CSMD1: variants seen among roughly 807,000 people sequenced by gnomAD.
CSMD1 encodes the protein CUB and Sushi multiple domains 1.
In CSMD1, 213 loss-of-function variants were observed where a neutral mutation model predicts 417.5. The observed-to-expected ratio is 0.51, with a 90% CI of 0.46 to 0.57. The LOEUF is 0.57. Ranked by LOEUF, CSMD1 falls within the 20% of genes least tolerant of loss-of-function variation. The probability of loss-of-function intolerance (pLI) is 0.00; values close to 1 mark genes in which losing one functional copy is unlikely to be tolerated. For synonymous variants in CSMD1, 2,862 were observed against 1,736.8 expected, an observed-to-expected ratio of 1.65 and a Z score of -16.11; for missense variants, 6,923 against 4,529.7, an observed-to-expected ratio of 1.53 and a Z score of -15.17.
intron 2 of CSMD1, among the ~76,000 whole-genome samples, chr8:4,459,293 T>C (rs950449556): frequency 3.9e-5 from 6 of 152,218 alleles, no homozygotes; most frequent in African/African-American, 1.2e-4. Context: ...GTGCACCAGA[T>C]GGCATATAAG....
At chr8:4,977,446 C>T (rs919387257) in intron 1 of CSMD1, among the ~76,000 whole-genome samples, 7 of 152,162 alleles carry the variant, frequency 4.6e-5, no homozygotes, top group Non-Finnish European at 8.8e-5. Context: ...TGCATGTCCA[C>T]GGACTCATGC....
At chr8:4,171,354 C>T (rs1193400141) in intron 3 of CSMD1, among the ~76,000 whole-genome samples, 3 of 151,840 alleles carry the variant, frequency 2.0e-5, no homozygotes, top group Admixed American at 2.0e-4. Flanking sequence ...AACTCCTTAC[C>T]TTCCTTGAAT....
chr8:4,132,483 G>A (rs773867652), intron 3 of CSMD1, among the ~76,000 whole-genome samples: 3 of 152,026 alleles, frequency 2.0e-5, no homozygotes, highest in East Asian at 1.9e-4. Flanking sequence ...CAGGAACATG[G>A]GTAGTATAAT....
intron 6 of CSMD1, among the ~76,000 whole-genome samples, chr8:3,722,141 G>C (rs1274475397): frequency 2.6e-5 from 4 of 152,054 alleles, no homozygotes; most frequent in Admixed American, 1.3e-4. Flanking sequence ...TCAGGAATTT[G>C]AGACTAAGAA....
At chr8:4,060,145 A>T (rs1798896218) in intron 3 of CSMD1, among the ~76,000 whole-genome samples, 1 of 152,210 alleles carries the variant, frequency 6.6e-6, no homozygotes, top group Admixed American at 6.5e-5. Flanking sequence ...CAACATATAC[A>T]AATCAATAAA....
chr8:4,252,801 C>T (rs1803171520), intron 3 of CSMD1, among the ~76,000 whole-genome samples: 1 of 152,226 alleles, frequency 6.6e-6, no homozygotes, highest in Non-Finnish European at 1.5e-5. Context: ...CTTCTGTACA[C>T]TTTCTCCATG....
At chr8:2,982,401 G>A (rs113982460) in intron 54 of CSMD1, among the ~76,000 whole-genome samples, 5 of 152,246 alleles carry the variant, frequency 3.3e-5, no homozygotes, top group African/African-American at 1.2e-4. Flanking sequence ...TAAACATAAG[G>A]TCCTATTGTT....
At chr8:3,819,450 C>T (rs1418583824) in intron 5 of CSMD1, among the ~76,000 whole-genome samples, 1 of 152,000 alleles carries the variant, frequency 6.6e-6, no homozygotes, top group African/African-American at 2.4e-5. Context: ...GCTAGAAGTG[C>T]TTCCAACTTC....
chr8:3,970,514 C>T (rs960941951), intron 5 of CSMD1, among the ~76,000 whole-genome samples: 6 of 152,132 alleles, frequency 3.9e-5, no homozygotes, highest in Non-Finnish European at 8.8e-5. Flanking sequence ...GTTTTAAGGA[C>T]TCCAGGAGGA....
chr8:4,427,512 CAT>C (rs1475034117), intron 2 of CSMD1, among the ~76,000 whole-genome samples: 337 of 150,498 alleles, frequency 2.2e-3, no homozygotes, highest in African/African-American at 7.7e-3. Context: ...CACACACACA[CAT>C]GCACACTCAA....
At chr8:2,986,130 AG>A (rs548408082) in intron 54 of CSMD1, among the ~76,000 whole-genome samples, 140 of 152,310 alleles carry the variant, frequency 9.2e-4, no homozygotes, top group Admixed American at 3.7e-3. Flanking sequence ...GTGTGATAAA[AG>A]AAATACGTTA....
chr8:3,820,927 A>C (rs1801700949), intron 5 of CSMD1, among the ~76,000 whole-genome samples: 1 of 151,276 alleles, frequency 6.6e-6, no homozygotes, highest in South Asian at 2.1e-4. Context: ...CTTTTTTTTA[A>C]TTTTTTGAGC....
At chr8:3,684,277 A>T (rs1169072757) in intron 7 of CSMD1, among the ~76,000 whole-genome samples, 1 of 144,544 alleles carries the variant, frequency 6.9e-6, no homozygotes, top group East Asian at 2.0e-4. Context: ...TATATGTTAT[A>T]TATTATATAT....
chr8:3,150,244 T>C (rs897953537), intron 40 of CSMD1, among the ~76,000 whole-genome samples: 1 of 151,556 alleles, frequency 6.6e-6, no homozygotes, highest in Non-Finnish European at 1.5e-5. Context: ...TTCCACAGAG[T>C]CTCTCCCTTC....
intron 25 of CSMD1, among the ~76,000 whole-genome samples, chr8:3,285,208 T>A (rs1456235514): frequency 6.6e-6 from 1 of 152,016 alleles, no homozygotes. Context: ...TACCCACGAG[T>A]CTCAACTGCT....
At chr8:3,701,158 C>A (rs1408567084) in intron 7 of CSMD1, among the ~76,000 whole-genome samples, 2 of 152,098 alleles carry the variant, frequency 1.3e-5, no homozygotes, top group East Asian at 1.9e-4. Context: ...TAGACATCAA[C>A]GTGACTCCCA....
chr8:3,794,783 T>A (rs1282111845), intron 5 of CSMD1, among the ~76,000 whole-genome samples: 1 of 151,992 alleles, frequency 6.6e-6, no homozygotes, highest in Non-Finnish European at 1.5e-5. Context: ...ATAACACATC[T>A]CTAAAGTGAC....
chr8:4,425,019 T>C (rs1374207336), intron 2 of CSMD1, among the ~76,000 whole-genome samples: 1 of 152,024 alleles, frequency 6.6e-6, no homozygotes, highest in Non-Finnish European at 1.5e-5. Flanking sequence ...AACATTAAAT[T>C]CTAAAAGTAA....
At chr8:4,332,375 C>G (rs181402938) in intron 3 of CSMD1, among the ~76,000 whole-genome samples, 58 of 152,188 alleles carry the variant, frequency 3.8e-4, no homozygotes, top group African/African-American at 1.3e-3. Context: ...CTCAAATTAA[C>G]GATTCCTACC....
Sources: gnomAD v4.1 joint callset for allele counts (sites outside exome capture counted in the v4.1 genomes callset) on GRCh38, gnomAD v4.1.1 for gene constraint, MANE v1.5 for transcripts, NCBI Gene and HGNC (gene_info 2026-07-23, HGNC 2026-07-21) for gene names.